The following NDRG1 variants were observed in gnomAD, a reference collection of about 807,000 sequenced individuals.
The protein encoded by NDRG1 is N-myc downstream regulated 1.
Under a neutral mutation model 56.9 loss-of-function variants are expected in NDRG1, and 32 were observed. That is an observed-to-expected ratio of 0.56 (90% CI 0.42 to 0.76). The LOEUF (loss-of-function observed/expected upper bound fraction) is 0.76, where lower values mean the gene tolerates loss of function less well. NDRG1 is among the 30% of genes least tolerant of loss of function. The pLI, the probability that NDRG1 is intolerant of heterozygous loss-of-function variation, is 0.00. For missense variants in NDRG1, 507 were observed against 545.7 expected, an observed-to-expected ratio of 0.93 and a Z score of 0.71; for synonymous variants, 211 against 204.1, an observed-to-expected ratio of 1.03 and a Z score of -0.29.
At chr8:133,296,726 CACACACTCACCT>C (rs1858795374) in intron 1 of NDRG1, 1 of 330,420 alleles carries the variant, frequency 3.0e-6, no homozygotes, top group African/African-American at 2.2e-5. Context: ...CACACACACA[CACACACTCACCT>C]AGTCCCTTCT....
intron 2 of NDRG1, among the ~76,000 whole-genome samples, chr8:133,280,660 T>C (rs577387019): frequency 1.3e-5 from 2 of 152,226 alleles, no homozygotes; most frequent in East Asian, 3.9e-4. Flanking sequence ...GGTCTCGATT[T>C]CCTGACCTCA....
At chr8:133,274,567 T>C (rs778877891) in intron 3 of NDRG1, among the ~76,000 whole-genome samples, 1 of 152,168 alleles carries the variant, frequency 6.6e-6, no homozygotes, top group Non-Finnish European at 1.5e-5. Context: ...ACTAAATGAA[T>C]AGATAAAATT....
chr8:133,238,801 C>T lies in NDRG1; in HGVS notation c.*77G>A. The T allele has an allele frequency of 6.8e-7, 1 of 1,465,186 alleles. No homozygotes were observed. Among genetic ancestry groups the T allele is most frequent in the Non-Finnish European group, 9.1e-7 (1 of 1,095,848 alleles). 90.8% of individuals were successfully genotyped at this position (1,465,186 alleles called of 1,614,324 possible). ...ACCGAGTTAGGCGCAGTATGGCAGG[C>T]AGGGGGCGAAAAGGGGCCGGGGAGG... On this transcript the variant is annotated 3_prime_UTR_variant, in exon 16 of 16. Transcript: ENST00000323851.
chr8:133,279,910 C>T (rs1191507741), intron 3 of NDRG1, among the ~76,000 whole-genome samples: 1 of 152,212 alleles, frequency 6.6e-6, no homozygotes, highest in Non-Finnish European at 1.5e-5. Flanking sequence ...GTTCCCTCCC[C>T]TCACAGGGTC....
intron 12 of NDRG1, among the ~76,000 whole-genome samples, chr8:133,247,150 C>T (rs1855733061): frequency 1.3e-5 from 2 of 152,146 alleles, no homozygotes; most frequent in South Asian, 4.1e-4. Context: ...CCATATGTAA[C>T]CCAGGATGTT....
At chr8:133,277,524 A>C (rs943652097) in intron 3 of NDRG1, among the ~76,000 whole-genome samples, 30 of 152,182 alleles carry the variant, frequency 2.0e-4, no homozygotes, top group African/African-American at 7.0e-4. Flanking sequence ...CCAAGATCGC[A>C]CCACTACACT....
chr8:133,255,423 T>G, intron 8 of NDRG1: 1 of 456,228 alleles, frequency 2.2e-6, no homozygotes, highest in Non-Finnish European at 4.4e-6. Flanking sequence ...AAGAAGGGAA[T>G]AGTACAGCTA....
intron 6 of NDRG1, 41 bp downstream of exon 6, chr8:133,259,127 C>T (rs769858435): frequency 6.2e-7 from 1 of 1,601,242 alleles, no homozygotes; most frequent in South Asian, 1.1e-5. Context: ...AGAAACCAGG[C>T]TTCTCTGCAG....
chr8:133,279,020 G>A (rs1399672185), intron 3 of NDRG1, among the ~76,000 whole-genome samples: 1 of 151,784 alleles, frequency 6.6e-6, no homozygotes, highest in East Asian at 1.9e-4. Context: ...CCCCCAAGTA[G>A]CTGGGGTTAT....
At chr8:133,248,619 G>A in intron 11 of NDRG1, 96 bp downstream of exon 11, 1 of 1,388,756 alleles carries the variant, frequency 7.2e-7, no homozygotes, top group Non-Finnish European at 1.0e-6. Context: ...CTGACACAAT[G>A]TCCTGCCACA....
In NDRG1 at chr8:133,238,333, C is replaced by G. The variant is rs747514796; in HGVS notation, c.*545G>C. On this transcript the variant is annotated 3_prime_UTR_variant, in exon 16 of 16. Coordinates refer to ENST00000323851, the MANE Select transcript of NDRG1 (RefSeq NM_006096.4). ...TTGTTGTTCCAAATGCCTCTAGCCTCGACATGAATCCCACCTTTTCCCCCT... is the reference window on the plus strand; with the variant it reads ...TTGTTGTTCCAAATGCCTCTAGCCTGGACATGAATCCCACCTTTTCCCCCT... 2 of 234,314 alleles carry G rather than the reference C, an allele frequency of 8.5e-6. No homozygotes were observed. Among genetic ancestry groups the G allele is most frequent in the Admixed American group, 1.1e-4 (2 of 17,850 alleles). 14.5% of individuals were successfully genotyped at this position (234,314 alleles called of 1,614,324 possible).
rs75974071 is a variant in NDRG1, at chr8:133,260,656, C to T, written c.326+1391G>A. On this transcript the variant is annotated intron_variant, in intron 5 of 15. Coordinates refer to ENST00000323851, the MANE Select transcript of NDRG1 (RefSeq NM_006096.4). ...TTATCTGCTGGTTAACAATTAACCA[C>T]GTCCCACTGTTTTAATACACTTTTA... Among the ~76,000 whole-genome samples, 407 of 152,324 alleles carry T rather than the reference C, an allele frequency of 2.7e-3. 3 individuals are homozygous for T. Among genetic ancestry groups the T allele is most frequent in the African/African-American group, 9.5e-3 (396 of 41,576 alleles).
chr8:133,239,109 A>G lies in NDRG1; in HGVS notation c.954T>C (p.Ala318=). 1 of 1,557,512 alleles carries G rather than the reference A, an allele frequency of 6.4e-7. No individual in the cohort carries two copies. Among genetic ancestry groups the G allele is most frequent in the Non-Finnish European group, 8.7e-7 (1 of 1,150,272 alleles). ...GGGACCGCATCAGGCGGGTCATGCT[A>G]GCCGAGGGCACTAGGGGAACAAGAG... ...FVQGMGYMPS[A]SMTRLMRSRT... Residue 318 remains alanine, a synonymous_variant, in exon 16 of 16, where the codon GCT becomes GCC. Transcript: ENST00000323851.
chr8:133,279,189 CCTT>C (rs1467465183), intron 3 of NDRG1, among the ~76,000 whole-genome samples: 1 of 152,136 alleles, frequency 6.6e-6, no homozygotes, highest in Non-Finnish European at 1.5e-5. Flanking sequence ...TGCATCTGGC[CCTT>C]CTTCTTAAAC....
chr8:133,264,667 C>T lies in NDRG1; in HGVS notation c.100-15G>A. ...ATGTCCTGCTCCTGAGGAGACACAGCAGACAGTGGGCTGGTCATGTGGGGT... is the reference window on the plus strand; with the variant it reads ...ATGTCCTGCTCCTGAGGAGACACAGTAGACAGTGGGCTGGTCATGTGGGGT... On this transcript the variant is annotated splice_polypyrimidine_tract_variant and intron_variant, in intron 3 of 15. Transcript: ENST00000323851. The T allele has an allele frequency of 6.2e-7, 1 of 1,609,398 alleles. No individual in the cohort carries two copies. The highest frequency in any genetic ancestry group is 8.5e-7 in the Non-Finnish European group (1 of 1,175,634).
chr8:133,258,775 T>C (rs1051091202), intron 6 of NDRG1, among the ~76,000 whole-genome samples: 2 of 152,146 alleles, frequency 1.3e-5, no homozygotes, highest in Non-Finnish European at 2.9e-5. Context: ...AACCATGAAG[T>C]TATCATTCTT....
intron 1 of NDRG1, among the ~76,000 whole-genome samples, chr8:133,287,741 C>T (rs1858197748): frequency 6.6e-6 from 1 of 152,206 alleles, no homozygotes; most frequent in Non-Finnish European, 1.5e-5. Context: ...CAGCAGCATC[C>T]CTGGCCTCTG....
chr8:133,267,620 G>A (rs115719361), intron 3 of NDRG1, among the ~76,000 whole-genome samples: 51 of 152,320 alleles, frequency 3.3e-4, no homozygotes, highest in African/African-American at 1.1e-3. Flanking sequence ...TGAAGCCACT[G>A]TGGGAACAAA....
chr8:133,282,933 T>C (rs1302596479), intron 2 of NDRG1, among the ~76,000 whole-genome samples: 1 of 152,254 alleles, frequency 6.6e-6, no homozygotes, highest in African/African-American at 2.4e-5. Context: ...ACCAATCCCC[T>C]TCCTGTCTAG....
Sources: allele counts gnomAD v4.1 joint callset (sites outside exome capture counted in the v4.1 genomes callset), GRCh38; gene constraint gnomAD v4.1.1; transcripts MANE v1.5; gene names NCBI Gene and HGNC (gene_info 2026-07-23, HGNC 2026-07-21).